SLC2A9: variants seen among roughly 807,000 people sequenced by gnomAD.
SLC2A9 encodes solute carrier family 2, facilitated glucose transporter member 9.
SLC2A9 carries 39 observed loss-of-function variants against 50.6 expected under a neutral mutation model. The ratio of observed to expected loss-of-function variants is 0.77; its 90% CI spans 0.60 to 1.01. The LOEUF (loss-of-function observed/expected upper bound fraction) is 1.01. SLC2A9 is among the 50% of genes least tolerant of loss of function. The pLI, the probability that SLC2A9 is intolerant of heterozygous loss-of-function variation, is 0.00. For missense variants in SLC2A9, 686 were observed against 677.6 expected (o/e 1.01, Z -0.14); for synonymous variants, 324 against 276.9 (o/e 1.17, Z -1.69).
At chr4:9,967,673 AAG>A (rs1753243684) in intron 5 of SLC2A9, among the ~76,000 whole-genome samples, 1 of 151,966 alleles carries the variant, frequency 6.6e-6, no homozygotes, top group African/African-American at 2.4e-5. Context: ...AGTAAATAGA[AAG>A]AGATATAAAG....
chr4:9,864,418 C>T (rs1340310008), intron 10 of SLC2A9, among the ~76,000 whole-genome samples: 1 of 152,212 alleles, frequency 6.6e-6, no homozygotes, highest in Admixed American at 6.5e-5. Context: ...AAGGGCGATT[C>T]CATCAGGGTT....
At chr4:9,903,807 A>G (rs1740107265) in intron 8 of SLC2A9, among the ~76,000 whole-genome samples, 1 of 147,978 alleles carries the variant, frequency 6.8e-6, no homozygotes, top group Non-Finnish European at 1.5e-5. Context: ...CTTTTCAAAT[A>G]TATTTCAAGA....
intron 6 of SLC2A9, among the ~76,000 whole-genome samples, chr4:9,939,839 T>C (rs937249201): frequency 6.6e-6 from 1 of 152,200 alleles, no homozygotes; most frequent in Non-Finnish European, 1.5e-5. Context: ...ACACCCAACA[T>C]GCTAAATATC....
chr4:10,001,338 G>A (rs1284153530), intron 2 of SLC2A9, among the ~76,000 whole-genome samples: 1 of 152,152 alleles, frequency 6.6e-6, no homozygotes, highest in African/African-American at 2.4e-5. Flanking sequence ...GAGATAGACA[G>A]GCACAGGAGG....
intron 3 of SLC2A9, among the ~76,000 whole-genome samples, chr4:9,986,802 A>C (rs951347474): frequency 3.9e-5 from 6 of 152,158 alleles, no homozygotes; most frequent in Admixed American, 2.0e-4. Context: ...ACTTTTATAA[A>C]CACATGCCTA....
At chr4:9,870,027 C>T (rs1006034130) in intron 10 of SLC2A9, among the ~76,000 whole-genome samples, 1 of 152,180 alleles carries the variant, frequency 6.6e-6, no homozygotes, top group Admixed American at 6.5e-5. Context: ...TAGGGGAAGG[C>T]CTGTGAAGGT....
Position 9,782,493 on chromosome 4 carries a change from G to A in SLC2A9, n.386-2428C>T, listed in dbSNP as rs556526603. ...CGCTACAAGCGCAAGATGACTCAGC[G>A]CATGGCCTTGGTCATGGTCGGCCTG... On this transcript the variant is annotated intron_variant and non_coding_transcript_variant, in intron 3 of 3. Coordinates refer to the SLC2A9 transcript ENST00000503803. The A allele has an allele frequency of 2.4e-5, 38 of 1,613,824 alleles. 1 individual carries two copies. Among genetic ancestry groups the A allele is most frequent in the South Asian group, 7.7e-5 (7 of 91,074 alleles).
chr4:9,857,946 A>G (rs1730987136), intron 10 of SLC2A9, among the ~76,000 whole-genome samples: 1 of 152,202 alleles, frequency 6.6e-6, no homozygotes, highest in Non-Finnish European at 1.5e-5. Flanking sequence ...CTACACTGCC[A>G]CGGTACCTAG....
chr4:9,786,749 G>T (rs1719268487), intron 3 of SLC2A9, among the ~76,000 whole-genome samples: 1 of 152,208 alleles, frequency 6.6e-6, no homozygotes, highest in Non-Finnish European at 1.5e-5. Context: ...AGGAACCAGG[G>T]TTCACCCTAG....
chr4:9,991,905 G>A (rs1757777253), intron 3 of SLC2A9, among the ~76,000 whole-genome samples: 1 of 152,238 alleles, frequency 6.6e-6, no homozygotes, highest in African/African-American at 2.4e-5. Flanking sequence ...GTGGTATTCT[G>A]ATATGGCAGC....
chr4:9,774,096 C>T lies in SLC2A9; in HGVS notation n.182-2727G>A, dbSNP rs562206973. Among the ~76,000 whole-genome samples, 16 of 150,802 alleles carry T rather than the reference C, an allele frequency of 1.1e-4. No individual in the cohort carries two copies. The South Asian group carries it at 1.3e-3, about 12-fold the overall frequency. On this transcript the variant is annotated intron_variant and non_coding_transcript_variant, in intron 1 of 1. Transcript: ENST00000508585. ...TGGAATCTCTGCCTCCTGGTTCAAG[C>T]GATTCTTCTCCCTCAGCCTCCTGAG...
intron 3 of SLC2A9, among the ~76,000 whole-genome samples, chr4:9,801,449 G>A (rs932181293): frequency 8.5e-5 from 13 of 152,174 alleles, no homozygotes; most frequent in African/African-American, 3.1e-4. Flanking sequence ...TTTTGAGCTG[G>A]TTTACACAAT....
chr4:9,864,827 C>A (rs565305576), intron 10 of SLC2A9, among the ~76,000 whole-genome samples: 1 of 152,316 alleles, frequency 6.6e-6, no homozygotes, highest in East Asian at 1.9e-4. Context: ...TCTCGCATGG[C>A]AAAAGGGGTT....
At chr4:9,788,549 C>T (rs1719510643) in intron 3 of SLC2A9, among the ~76,000 whole-genome samples, 1 of 151,992 alleles carries the variant, frequency 6.6e-6, no homozygotes, top group African/African-American at 2.4e-5. Flanking sequence ...TTAATGGATA[C>T]TATTTTGACA....
At chr4:9,919,269 A>G (rs545016666) in intron 7 of SLC2A9, among the ~76,000 whole-genome samples, 1 of 152,302 alleles carries the variant, frequency 6.6e-6, no homozygotes, top group African/African-American at 2.4e-5. Context: ...ACAGCCACTG[A>G]CCCAGGCGCC....
In SLC2A9 at chr4:10,018,530, G is replaced by A. The variant is rs182986759; in HGVS notation, c.249+445C>T. Among the ~76,000 whole-genome samples the A allele has an allele frequency of 6.8e-3, 717 of 105,626 alleles. 7 individuals carry two copies. Among genetic ancestry groups the A allele is most frequent in the African/African-American group, 0.021 (671 of 31,768 alleles). 69.3% of individuals were successfully genotyped at this position (105,626 alleles called of 152,430 possible). A position where few individuals can be genotyped will look rare whatever the true frequency, so the allele number is the denominator to read the frequency against. On this transcript the variant is annotated intron_variant, in intron 2 of 11. Transcript: ENST00000264784. ...GCACTCCAGCCTGGTGACAGAGTGA[G>A]ACTCCATCTCAAAGATGATAGATAG...
At chr4:9,783,019 G>C in intron 3 of SLC2A9, 2 of 1,614,228 alleles carry the variant, frequency 1.2e-6, no homozygotes, top group Non-Finnish European at 1.7e-6. Flanking sequence ...AAGGCCCTCC[G>C]GCCGGCTTCC....
At chr4:9,833,892 G>C (rs1726598804) in intron 11 of SLC2A9, among the ~76,000 whole-genome samples, 1 of 152,198 alleles carries the variant, frequency 6.6e-6, no homozygotes, top group Admixed American at 6.5e-5. Context: ...CATTTGAGCA[G>C]GGAAGCTTCA....
chr4:9,872,414 A>C (rs1733590168), intron 10 of SLC2A9, among the ~76,000 whole-genome samples: 1 of 152,222 alleles, frequency 6.6e-6, no homozygotes, highest in African/African-American at 2.4e-5. Context: ...TTGAATAAAA[A>C]TATGTTAACA....
Sources: allele counts gnomAD v4.1 joint callset (sites outside exome capture counted in the v4.1 genomes callset), GRCh38; gene constraint gnomAD v4.1.1; transcripts MANE v1.5; gene names NCBI Gene and HGNC (gene_info 2026-07-23, HGNC 2026-07-21).